Variants in BMAL1 observed in about 807,000 individuals in gnomAD.
The protein encoded by BMAL1 is basic helix-loop-helix ARNT like 1.
chr11:13,363,861 G>A, the BMAL1 span, among the ~76,000 whole-genome samples: 9 of 152,078 alleles, frequency 5.9e-5, no homozygotes, highest in Admixed American at 2.0e-4. Flanking sequence ...GCTGTCCTTC[G>A]GGCCCGGCTC....
the BMAL1 span, among the ~76,000 whole-genome samples, chr11:13,284,234 G>GTATA: frequency 7.0e-4 from 3 of 4,300 alleles, 1 homozygote. Flanking sequence ...ATATGTGTGT[G>GTATA]TATATATATA....
At chr11:13,325,124 A>G in the BMAL1 span, among the ~76,000 whole-genome samples, 3 of 152,294 alleles carry the variant, frequency 2.0e-5, no homozygotes, top group East Asian at 5.8e-4. Flanking sequence ...GCAGGAGGGG[A>G]CGAACTGGTC....
the BMAL1 span, among the ~76,000 whole-genome samples, chr11:13,382,456 G>A: frequency 6.6e-6 from 1 of 152,102 alleles, no homozygotes; most frequent in Non-Finnish European, 1.5e-5. Flanking sequence ...AAAGTGCTTG[G>A]CCCAAAATAC....
the BMAL1 span, among the ~76,000 whole-genome samples, chr11:13,280,001 A>T: frequency 0.62 from 94,540 of 152,088 alleles, 30,282 homozygotes; most frequent in Non-Finnish European, 0.71. Context: ...GTTATTAAAG[A>T]TTTCTAGGTT....
the BMAL1 span, chr11:13,360,437 A>T: frequency 6.2e-7 from 1 of 1,606,002 alleles, no homozygotes; most frequent in Non-Finnish European, 8.5e-7. Context: ...ATGTTCAATT[A>T]TGGGATTGTT....
chr11:13,377,700 G>C, the BMAL1 span, among the ~76,000 whole-genome samples: 4 of 152,138 alleles, frequency 2.6e-5, no homozygotes, highest in East Asian at 7.7e-4. Context: ...CCTCATGATC[G>C]GATTGGTACC....
At chr11:13,307,796 G>A in the BMAL1 span, among the ~76,000 whole-genome samples, 1 of 152,196 alleles carries the variant, frequency 6.6e-6, no homozygotes, top group African/African-American at 2.4e-5. Context: ...AATAGGTTGG[G>A]GAGAGGGAGA....
the BMAL1 span, among the ~76,000 whole-genome samples, chr11:13,362,550 T>C: frequency 6.6e-6 from 1 of 152,166 alleles, no homozygotes; most frequent in Admixed American, 6.5e-5. Context: ...ATGGCATTGT[T>C]CTAGGAACAT....
chr11:13,351,595 C>G, the BMAL1 span, among the ~76,000 whole-genome samples: 1 of 152,052 alleles, frequency 6.6e-6, no homozygotes, highest in South Asian at 2.1e-4. Context: ...CAGAAGAGGG[C>G]CCAGGACATC....
the BMAL1 span, among the ~76,000 whole-genome samples, chr11:13,307,368 C>T: frequency 6.6e-6 from 1 of 152,182 alleles, no homozygotes; most frequent in Non-Finnish European, 1.5e-5. Context: ...GCTTTAGCTC[C>T]AAGGAGCACT....
the BMAL1 span, chr11:13,360,523 T>C: frequency 9.3e-7 from 1 of 1,075,700 alleles, no homozygotes. Context: ...CTGAGCTTTT[T>C]TTTTTAGGCC....
the BMAL1 span, chr11:13,379,943 C>G: frequency 2.0e-5 from 3 of 152,188 alleles, no homozygotes; most frequent in Non-Finnish European, 2.9e-5. Context: ...TCTTGTGTTA[C>G]GCTTTGTGGA....
At chr11:13,367,812 C>T in the BMAL1 span, among the ~76,000 whole-genome samples, 1 of 151,772 alleles carries the variant, frequency 6.6e-6, no homozygotes. Context: ...TACTTAACCT[C>T]TCTCTGTCTC....
chr11:13,358,308 T>G, the BMAL1 span: 47 of 1,135,294 alleles, frequency 4.1e-5, no homozygotes, highest in Non-Finnish European at 1.4e-5. Context: ...TTTTAAACAT[T>G]CTGCAAATTC....
chr11:13,310,662 G>T, the BMAL1 span, among the ~76,000 whole-genome samples: 1 of 152,216 alleles, frequency 6.6e-6, no homozygotes, highest in South Asian at 2.1e-4. Flanking sequence ...GAATGGGTGT[G>T]GCAGTGTTCC....
At chr11:13,370,777 A>G in the BMAL1 span, among the ~76,000 whole-genome samples, 2 of 152,138 alleles carry the variant, frequency 1.3e-5, no homozygotes, top group Admixed American at 6.6e-5. Context: ...AAAACCCTTC[A>G]GTGTTCCCTA....
At chr11:13,378,263 G>T in the BMAL1 span, 1 of 1,468,250 alleles carries the variant, frequency 6.8e-7, no homozygotes. Flanking sequence ...GGGATAAACT[G>T]GTTTTACTTT....
chr11:13,378,201 G>T, the BMAL1 span: 1 of 1,227,988 alleles, frequency 8.1e-7, no homozygotes, highest in Non-Finnish European at 1.1e-6. Flanking sequence ...ACAAGCTGTA[G>T]CCCTAAAGTC....
chr11:13,306,398 G>A, the BMAL1 span, among the ~76,000 whole-genome samples: 1 of 152,362 alleles, frequency 6.6e-6, no homozygotes, highest in African/African-American at 2.4e-5. Flanking sequence ...GTGAGGAAGT[G>A]CAAGGAGACC....
Sources: gnomAD v4.1 joint callset for allele counts (sites outside exome capture counted in the v4.1 genomes callset) on GRCh38, gnomAD v4.1.1 for gene constraint, MANE v1.5 for transcripts, NCBI Gene and HGNC (gene_info 2026-07-23, HGNC 2026-07-21) for gene names.